WDR93: variants seen among roughly 807,000 people sequenced by gnomAD.
WDR93 encodes the protein WD repeat domain 93, also known as WD repeat-containing protein 93.
A neutral mutation model predicts 82.9 loss-of-function variants in WDR93; 73 were observed. The ratio of observed to expected loss-of-function variants is 0.88; its 90% CI spans 0.73 to 1.07. The LOEUF (loss-of-function observed/expected upper bound fraction) is 1.07, where lower values mean the gene tolerates loss of function less well. WDR93 is among the 50% of genes least tolerant of loss of function. The pLI, the probability that WDR93 is intolerant of heterozygous loss-of-function variation, is 0.00. For missense variants in WDR93, 738 were observed against 826.0 expected, an observed-to-expected ratio of 0.89 and a Z score of 1.31; for synonymous variants, 283 against 300.1, an observed-to-expected ratio of 0.94 and a Z score of 0.59.
intron 8 of WDR93, among the ~76,000 whole-genome samples, chr15:89,724,968 G>C (rs1260168734): frequency 1.3e-5 from 2 of 152,142 alleles, no homozygotes; most frequent in African/African-American, 4.8e-5. Flanking sequence ...CTAGGTGATA[G>C]GGTGACCAAC....
chr15:89,695,457 G>C (rs936488510), intron 1 of WDR93, among the ~76,000 whole-genome samples: 2 of 152,062 alleles, frequency 1.3e-5, no homozygotes. Context: ...ACCTCAGCCT[G>C]CTGAGCTGCT....
rs192852533 is a variant in WDR93, at chr15:89,739,999, G to A, written c.1961+1763G>A. Among the ~76,000 whole-genome samples the A allele has an allele frequency of 3.5e-3, 537 of 152,286 alleles. 21 individuals carry two copies. The highest frequency in any genetic ancestry group is 0.032 in the Admixed American group (485 of 15,296). ...TACCACTTACAATGAGACCTTGGGC[G>A]AGTTACTCAGCCTCCTCATTCAGTC... is the stretch of plus-strand genomic sequence containing the variant. On this transcript the variant is annotated intron_variant, in intron 16 of 16. Transcript: ENST00000268130.
At chr15:89,730,496 T>C (rs1966850743) in intron 11 of WDR93, among the ~76,000 whole-genome samples, 1 of 152,220 alleles carries the variant, frequency 6.6e-6, no homozygotes, top group Non-Finnish European at 1.5e-5. Context: ...CATTGTTGTC[T>C]AGTGCATGCG....
rs1442240839 is a variant in WDR93 at position 89,735,560 on chromosome 15, T to A, written c.1608+7T>A. On this transcript the variant is annotated splice_region_variant and intron_variant, in intron 14 of 16. Coordinates refer to ENST00000268130, the MANE Select transcript of WDR93 (RefSeq NM_020212.2). ...CCCAGCCTTACCTGGCATGGTAGGT[T>A]CCCCATGCCTCTCTGTAAATGCCCC... 4.3e-6 allele frequency: 7 copies of A among 1,613,194 alleles called. No homozygotes were observed. Among genetic ancestry groups the A allele is most frequent in the Non-Finnish European group, 5.1e-6 (6 of 1,179,128 alleles).
At chr15:89,695,524 T>C (rs1965125377) in intron 1 of WDR93, among the ~76,000 whole-genome samples, 1 of 152,170 alleles carries the variant, frequency 6.6e-6, no homozygotes, top group Admixed American at 6.5e-5. Flanking sequence ...TATATATCTT[T>C]TGTCAGATTT....
chr15:89,739,104 A>G (rs1479184244), intron 16 of WDR93, among the ~76,000 whole-genome samples: 1 of 141,394 alleles, frequency 7.1e-6, no homozygotes, highest in Non-Finnish European at 1.5e-5. Context: ...TGACAGAGTC[A>G]GACCCTGCCT....
intron 8 of WDR93, among the ~76,000 whole-genome samples, chr15:89,724,328 C>T (rs565964989): frequency 7.9e-5 from 12 of 151,786 alleles, no homozygotes; most frequent in Non-Finnish European, 1.3e-4. Context: ...GGCGACACAG[C>T]GAGCGAGAAC....
At chr15:89,709,887 A>G (rs1290756783) in intron 4 of WDR93, among the ~76,000 whole-genome samples, 5 of 152,136 alleles carry the variant, frequency 3.3e-5, no homozygotes, top group South Asian at 2.1e-4. Flanking sequence ...AAGGCCGGGT[A>G]CAGTGGCTCC....
intron 16 of WDR93, among the ~76,000 whole-genome samples, chr15:89,742,044 C>G (rs998658122): frequency 6.6e-6 from 1 of 152,164 alleles, no homozygotes; most frequent in African/African-American, 2.4e-5. Flanking sequence ...AGCCATCACA[C>G]CCGGCCTCCA....
rs1397498638 is a variant in WDR93 at position 89,730,325 on chromosome 15, A to G, written c.1210+556A>G. On this transcript the variant is annotated intron_variant, in intron 11 of 16. Transcript: ENST00000268130. Reference sequence around the variant, plus strand: ...GGGTGACAGAGCAAGACTATCTCAAAAAAAAAAAAAAAAAAAAAGAGAGAG... The same window carrying G: ...GGGTGACAGAGCAAGACTATCTCAAGAAAAAAAAAAAAAAAAAAGAGAGAG... Among the ~76,000 whole-genome samples, 6 of 35,746 alleles carry G rather than the reference A, an allele frequency of 1.7e-4. No homozygotes were observed. In the South Asian group the frequency reaches 3.3e-3, roughly 20 times the overall value. 23.5% of individuals were successfully genotyped at this position (35,746 alleles called of 152,430 possible).
chr15:89,733,904 C>A (rs1325019867), intron 13 of WDR93, among the ~76,000 whole-genome samples: 2 of 152,218 alleles, frequency 1.3e-5, no homozygotes, highest in Non-Finnish European at 2.9e-5. Context: ...GCTCATTTCT[C>A]CCACAGTAAA....
intron 10 of WDR93, 123 bp from the exon 11 acceptor site, chr15:89,729,560 A>C: frequency 1.4e-6 from 1 of 731,212 alleles, no homozygotes; most frequent in Non-Finnish European, 2.3e-6. Context: ...GCCCATTAAA[A>C]CAAACCACTT....
At chr15:89,708,809 T>C (rs745501228) in intron 4 of WDR93, among the ~76,000 whole-genome samples, 7 of 152,228 alleles carry the variant, frequency 4.6e-5, no homozygotes, top group Non-Finnish European at 1.0e-4. Context: ...TTATGAATGC[T>C]GTCCGCATTG....
chr15:89,739,260 T>A (rs1307814707), intron 16 of WDR93, among the ~76,000 whole-genome samples: 1 of 152,212 alleles, frequency 6.6e-6, no homozygotes, highest in Non-Finnish European at 1.5e-5. Context: ...CCCATTTGTT[T>A]ATGTATTATC....
chr15:89,706,133 C>T (rs1030572094), intron 4 of WDR93, among the ~76,000 whole-genome samples: 2 of 152,172 alleles, frequency 1.3e-5, no homozygotes, highest in Non-Finnish European at 2.9e-5. Flanking sequence ...GTTTCTACCA[C>T]AGTGTTTCCC....
rs1297635038 is a variant in WDR93, at chr15:89,735,485, T to C, written c.1545-5T>C. On this transcript the variant is annotated splice_region_variant and splice_polypyrimidine_tract_variant and intron_variant, in intron 13 of 16. Coordinates refer to ENST00000268130, the MANE Select transcript of WDR93 (RefSeq NM_020212.2). ...GAGAATGTCTGTATATTTTCTGTCC[T>C]ATAGGCCTGTAAAGCACCTGGATAA... 6.2e-7 allele frequency: 1 copy of C among 1,613,980 alleles called. No homozygotes were observed. The highest frequency in any genetic ancestry group is 1.7e-5 in the Admixed American group (1 of 60,004).
intron 6 of WDR93, 145 bp from the exon 7 acceptor site, chr15:89,716,766 C>T: frequency 1.6e-6 from 1 of 623,164 alleles, no homozygotes; most frequent in East Asian, 3.1e-5. Context: ...GCCAGAGGCC[C>T]ACACAAATAC....
chr15:89,722,740 GGCTA>G, intron 8 of WDR93, among the ~76,000 whole-genome samples: 1 of 152,228 alleles, frequency 6.6e-6, no homozygotes. Flanking sequence ...GGAGCAGAGA[GGCTA>G]GCTATTGTAG....
rs1368835713 is a variant in WDR93 at position 89,717,269 on chromosome 15, A to G, written c.795+320A>G. Among the ~76,000 whole-genome samples the G allele has an allele frequency of 2.0e-5, 3 of 152,074 alleles. 1 individual carries two copies. Among genetic ancestry groups the G allele is most frequent in the African/African-American group, 4.8e-5 (2 of 41,428 alleles). Reference sequence around the variant, plus strand: ...AGACAGGGTTTTCTCCATGTTGGTCAGGCTGGTCTTCAACTCCCGACCTCA... The same window carrying G: ...AGACAGGGTTTTCTCCATGTTGGTCGGGCTGGTCTTCAACTCCCGACCTCA... On this transcript the variant is annotated intron_variant, in intron 7 of 16. Coordinates refer to ENST00000268130, the MANE Select transcript of WDR93 (RefSeq NM_020212.2).
Sources: allele counts gnomAD v4.1 joint callset (sites outside exome capture counted in the v4.1 genomes callset), GRCh38; gene constraint gnomAD v4.1.1; transcripts MANE v1.5; gene names NCBI Gene and HGNC (gene_info 2026-07-23, HGNC 2026-07-21).